SMARCC1: variants seen among roughly 807,000 people sequenced by gnomAD.
SMARCC1 encodes SWI/SNF related BAF chromatin remodeling complex subunit C1, also known as SWI/SNF complex subunit SMARCC1.
SMARCC1 carries 43 observed loss-of-function variants against 147.4 expected under a neutral mutation model. The ratio of observed to expected loss-of-function variants is 0.29; its 90% CI spans 0.23 to 0.38. The LOEUF is 0.38. Among genes scored for constraint, SMARCC1 ranks in the 10% least tolerant of loss-of-function variants. The pLI is 1.00. For missense variants in SMARCC1, 1,119 were observed against 1,381.1 expected, an observed-to-expected ratio of 0.81 and a Z score of 3.01; for synonymous variants, 495 against 484.4, an observed-to-expected ratio of 1.02 and a Z score of -0.29.
At position 47,706,544 on chromosome 3, in the gene SMARCC1, A is replaced by G. The variant is rs2106793453; in HGVS notation, c.919-14T>C. On this transcript the variant is annotated splice_polypyrimidine_tract_variant and intron_variant, in intron 9 of 27. Coordinates refer to ENST00000254480, the MANE Select transcript of SMARCC1 (RefSeq NM_003074.4). ...ACTTCTGACTGGCTAGGAAGAAGTAAATGGAAATAAGTATCAGCTATCTTT... is the reference window on the plus strand; with the variant it reads ...ACTTCTGACTGGCTAGGAAGAAGTAGATGGAAATAAGTATCAGCTATCTTT... 6.5e-7 allele frequency: 1 copy of G among 1,540,158 alleles called. No homozygotes were observed. The highest frequency in any genetic ancestry group is 1.3e-5 in the South Asian group (1 of 78,962).
In SMARCC1 at chr3:47,586,417, G is replaced by A. The variant is rs971488095; in HGVS notation, c.*1792C>T. On this transcript the variant is annotated 3_prime_UTR_variant, in exon 28 of 28. Coordinates refer to ENST00000254480, the MANE Select transcript of SMARCC1 (RefSeq NM_003074.4). ...CCAAATGCATTGGAACTAAGCTCCA[G>A]TAGGAATAAACTCATTCTCATTTCC... The A allele has an allele frequency of 6.6e-6, 1 of 152,350 alleles. No homozygotes were observed. Among genetic ancestry groups the A allele is most frequent in the Non-Finnish European group, 1.5e-5 (1 of 68,044 alleles). 9.4% of individuals were successfully genotyped at this position (152,350 alleles called of 1,614,324 possible).
At chr3:47,667,315 C>A (rs2033434737) in intron 19 of SMARCC1, among the ~76,000 whole-genome samples, 1 of 95,436 alleles carries the variant, frequency 1.0e-5, no homozygotes. Context: ...GAGACTCCGT[C>A]TCAAAAAAAA....
Position 47,586,120 on chromosome 3 carries a change from C to T in SMARCC1, c.*2089G>A, listed in dbSNP as rs2032068210. 6.6e-6 allele frequency: 1 copy of T among 152,462 alleles called. No individual in the cohort carries two copies. Among genetic ancestry groups the T allele is most frequent in the African/African-American group, 2.4e-5 (1 of 41,418 alleles). The allele number at this position is 152,462 out of a possible 1,614,324, so 9.4% of individuals were successfully genotyped here. On this transcript the variant is annotated 3_prime_UTR_variant, in exon 28 of 28. Coordinates refer to ENST00000254480, the MANE Select transcript of SMARCC1 (RefSeq NM_003074.4). Reference sequence around the variant, plus strand: ...AAGACATGAAAAGAAAAAGCCACCACTTATACTGAAATATAACAGTGTTAA... The same window carrying T: ...AAGACATGAAAAGAAAAAGCCACCATTTATACTGAAATATAACAGTGTTAA...
intron 26 of SMARCC1, among the ~76,000 whole-genome samples, chr3:47,591,417 A>C (rs1013302647): frequency 3.3e-5 from 5 of 151,928 alleles, no homozygotes; most frequent in African/African-American, 1.2e-4. Context: ...ATTTAAAAAA[A>C]AAAAAAAAAT....
intron 2 of SMARCC1, among the ~76,000 whole-genome samples, chr3:47,755,185 T>G (rs2034681072): frequency 6.6e-6 from 1 of 152,070 alleles, no homozygotes; most frequent in South Asian, 2.1e-4. Flanking sequence ...CACTTCAGTC[T>G]GAGTGAGAGT....
intron 11 of SMARCC1, among the ~76,000 whole-genome samples, chr3:47,696,588 G>C (rs905598173): frequency 1.3e-5 from 2 of 150,170 alleles, no homozygotes; most frequent in Non-Finnish European, 3.0e-5. Flanking sequence ...GTGCAATCTC[G>C]GCTCACTGCA....
intron 25 of SMARCC1, among the ~76,000 whole-genome samples, chr3:47,615,179 T>C (rs1415370123): frequency 6.6e-6 from 1 of 152,228 alleles, no homozygotes; most frequent in East Asian, 1.9e-4. Flanking sequence ...CCTATATATA[T>C]GCAGCATATA....
At chr3:47,659,143 G>C (rs1038774225) in intron 21 of SMARCC1, among the ~76,000 whole-genome samples, 1 of 147,044 alleles carries the variant, frequency 6.8e-6, no homozygotes, top group Non-Finnish European at 1.5e-5. Context: ...AAATGAGAGA[G>C]AGAGACAGAA....
At chr3:47,676,103 ATT>A (rs1468780551) in intron 17 of SMARCC1, among the ~76,000 whole-genome samples, 2 of 152,156 alleles carry the variant, frequency 1.3e-5, no homozygotes, top group East Asian at 3.8e-4. Context: ...AGGATAACAA[ATT>A]TTCATTACTA....
rs537127839 is a variant in SMARCC1, at chr3:47,770,752, T to C, written c.315+2065A>G. Among the ~76,000 whole-genome samples, 9 of 152,284 alleles carry C rather than the reference T, an allele frequency of 5.9e-5. No homozygotes were observed. The South Asian group carries it at 1.7e-3, about 28-fold the overall frequency. On this transcript the variant is annotated intron_variant, in intron 2 of 27. Transcript: ENST00000254480. ...CACATTGCTGAATTCCTTTATAACC[T>C]AGGAATGATAAAAGCTTCCCAATTA...
chr3:47,719,686 A>C (rs2106808778), intron 7 of SMARCC1, among the ~76,000 whole-genome samples: 1 of 152,144 alleles, frequency 6.6e-6, no homozygotes, highest in Non-Finnish European at 1.5e-5. Flanking sequence ...CTGGGCGACA[A>C]AGCGGGACTC....
At chr3:47,700,128 C>T (rs974751501) in intron 11 of SMARCC1, among the ~76,000 whole-genome samples, 3 of 151,522 alleles carry the variant, frequency 2.0e-5, no homozygotes, top group Non-Finnish European at 2.9e-5. Flanking sequence ...CTCCTAATAA[C>T]CAGAAAAGGT....
chr3:47,617,007 T>C lies in SMARCC1; in HGVS notation c.2781+5200A>G, dbSNP rs185228836. Among the ~76,000 whole-genome samples, 191 of 152,358 alleles carry C rather than the reference T, an allele frequency of 1.3e-3. 2 individuals are homozygous for C. Among genetic ancestry groups the C allele is most frequent in the Non-Finnish European group, 2.2e-3 (147 of 68,036 alleles). On this transcript the variant is annotated intron_variant, in intron 25 of 27. Transcript: ENST00000254480. ...GGGGAGGTGGAGAGTTGGGTGCCTC[T>C]ACTCCTAGCTGATCTATTCACTATC...
chr3:47,591,856 G>A lies in SMARCC1; in HGVS notation c.3044-1019C>T, dbSNP rs2032189479. 2.6e-5 allele frequency among the ~76,000 whole-genome samples: 4 copies of A among 152,254 alleles called. No homozygotes were observed. In the South Asian group the frequency reaches 6.2e-4, roughly 24 times the overall value. The stretch of plus-strand genomic sequence containing the variant: ...CACTCTTCCTATTGTTTTCTAATTA[G>A]TGACAGAAAACCCTACAGTATTCAA... On this transcript the variant is annotated intron_variant, in intron 26 of 27. Transcript: ENST00000254480.
At chr3:47,593,908 T>C (rs2032226125) in intron 26 of SMARCC1, among the ~76,000 whole-genome samples, 1 of 152,192 alleles carries the variant, frequency 6.6e-6, no homozygotes, top group South Asian at 2.1e-4. Flanking sequence ...CTCACACCTG[T>C]ATTCCCAGCA....
intron 21 of SMARCC1, among the ~76,000 whole-genome samples, chr3:47,649,723 A>C (rs1161319796): frequency 1.3e-5 from 2 of 152,242 alleles, no homozygotes; most frequent in South Asian, 2.1e-4. Context: ...AAATCCACTC[A>C]GTAGCAAAAG....
chr3:47,780,756 G>T (rs1034598845), intron 1 of SMARCC1, among the ~76,000 whole-genome samples: 1 of 152,008 alleles, frequency 6.6e-6, no homozygotes, highest in Non-Finnish European at 1.5e-5. Context: ...AGAGGCTGGG[G>T]AGCCTTTTCG....
chr3:47,736,202 C>A, intron 4 of SMARCC1, 76 bp from the exon 5 acceptor site: 1 of 774,762 alleles, frequency 1.3e-6, no homozygotes, highest in Non-Finnish European at 2.1e-6. Context: ...AATATACAAA[C>A]CACCCCCAGA....
At chr3:47,756,317 TG>T (rs1217977280) in intron 2 of SMARCC1, among the ~76,000 whole-genome samples, 1 of 151,910 alleles carries the variant, frequency 6.6e-6, no homozygotes, top group Non-Finnish European at 1.5e-5. Context: ...GCAGATCACC[TG>T]AGGTCAGGAG....
Sources: allele counts gnomAD v4.1 joint callset (sites outside exome capture counted in the v4.1 genomes callset), GRCh38; gene constraint gnomAD v4.1.1; transcripts MANE v1.5; gene names NCBI Gene and HGNC (gene_info 2026-07-23, HGNC 2026-07-21).